The following TTC17 variants were observed in gnomAD, a reference collection of about 807,000 sequenced individuals.
TTC17 encodes the protein tetratricopeptide repeat domain 17, also known as tetratricopeptide repeat protein 17.
In TTC17, 58 loss-of-function variants were observed where a neutral mutation model predicts 143.8. The observed-to-expected ratio is 0.40, with a 90% CI of 0.33 to 0.50. The LOEUF is 0.50. Among genes scored for constraint, TTC17 ranks in the 20% least tolerant of loss-of-function variants. TTC17 has a pLI of 0.49. For missense variants in TTC17, 1,273 were observed against 1,392.5 expected (o/e 0.91, Z 1.37); for synonymous variants, 501 against 497.8 (o/e 1.01, Z -0.09).
At position 43,450,334 on chromosome 11, in the gene TTC17, A is replaced by T. The variant is rs1481288328; in HGVS notation, c.2946+93A>T. On this transcript the variant is annotated intron_variant, in intron 20 of 23. Coordinates refer to ENST00000039989, the MANE Select transcript of TTC17 (RefSeq NM_018259.6). ...GAAAGCCCAGGTGACCGGGCCTTTTAAAAAAAAATAGGGGCTTTTTTCAGT... is the reference window on the plus strand; with the variant it reads ...GAAAGCCCAGGTGACCGGGCCTTTTTAAAAAAAATAGGGGCTTTTTTCAGT... 1.0e-5 allele frequency: 13 copies of T among 1,246,332 alleles called. No homozygotes were observed. The East Asian group carries it at 2.1e-4, about 20-fold the overall frequency. The allele number at this position is 1,246,332 out of a possible 1,614,324, so 77.2% of individuals were successfully genotyped here.
chr11:43,399,884 T>A lies in TTC17; in HGVS notation c.1059-4T>A, dbSNP rs747714357. 4 of 1,589,988 alleles carry A rather than the reference T, an allele frequency of 2.5e-6. No individual in the cohort carries two copies. In the South Asian group the frequency reaches 4.7e-5, roughly 19 times the overall value. On this transcript the variant is annotated splice_polypyrimidine_tract_variant and splice_region_variant and intron_variant, in intron 8 of 23. Transcript: ENST00000039989. The stretch of plus-strand genomic sequence containing the variant: ...ACTTTTTCCTGGTATTAAAAAATGT[T>A]AAGATCTCTCCAGCGAACACTGAAT...
At position 43,369,096 on chromosome 11, in the gene TTC17, A is replaced by T. The variant is rs538551194; in HGVS notation, c.159+9983A>T. On this transcript the variant is annotated intron_variant, in intron 1 of 23. Coordinates refer to ENST00000039989, the MANE Select transcript of TTC17 (RefSeq NM_018259.6). ...TTTGAGCCTTGACTATTGTGTCTTG[A>T]TCCAGCTTTTCACTTACCTTCCTTT... Among the ~76,000 whole-genome samples the T allele has an allele frequency of 7.4e-4, 113 of 152,314 alleles. 1 individual carries two copies. The highest frequency in any genetic ancestry group is 2.5e-3 in the African/African-American group (102 of 41,564).
At chr11:43,399,820 C>T in intron 8 of TTC17, 68 bp from the exon 9 acceptor site, 1 of 1,480,004 alleles carries the variant, frequency 6.8e-7, no homozygotes, top group South Asian at 1.4e-5. Context: ...AAAATCTGTG[C>T]ATTTAAGTGG....
chr11:43,459,321 G>A (rs1032587802), intron 21 of TTC17, among the ~76,000 whole-genome samples: 4 of 152,128 alleles, frequency 2.6e-5, no homozygotes, highest in Non-Finnish European at 5.9e-5. Context: ...AGTCTACTTT[G>A]GTTCTCTGAA....
In TTC17 at chr11:43,494,358, G is replaced by A. The variant is rs79088060; in HGVS notation, c.*454G>A. 952 of 158,574 alleles carry A rather than the reference G, an allele frequency of 6.0e-3. 13 individuals are homozygous for A. Among genetic ancestry groups the A allele is most frequent in the African/African-American group, 0.021 (890 of 41,582 alleles). The allele number at this position is 158,574 out of a possible 1,614,324, so 9.8% of individuals were successfully genotyped here. Reference sequence around the variant, plus strand: ...CTGGTGCCCGTCAGTGAGAAGCAACGTTCTGCGCTCTCTCCGTTAGACCTC... The same window carrying A: ...CTGGTGCCCGTCAGTGAGAAGCAACATTCTGCGCTCTCTCCGTTAGACCTC... On this transcript the variant is annotated 3_prime_UTR_variant, in exon 24 of 24. Transcript: ENST00000039989.
chr11:43,370,136 T>C, intron 1 of TTC17: 1 of 454,498 alleles, frequency 2.2e-6, no homozygotes, highest in Non-Finnish European at 4.4e-6. Flanking sequence ...CTGCTATTTT[T>C]GCGAACCTGT....
rs1252367598 is a variant in TTC17, at chr11:43,443,436, T to C, written c.2363T>C (p.Leu788Ser). The stretch of plus-strand genomic sequence containing the variant: ...GATGAATTTCAACAGGCATGGCCTT[T>C]GGAAGGCTTTGGGGGTGCACTAGAG... ...LVDEFQQAWP[L>S]EGFGGALEMK... Residue 788 changes from leucine to serine, a missense_variant, in exon 17 of 24, where the codon TTG (leucine) becomes TCG (serine). Physicochemically the swap from Leu to Ser is moderately radical, Grantham distance 145 (BLOSUM62 -2). Transcript: ENST00000039989. 6.2e-7 allele frequency: 1 copy of C among 1,614,186 alleles called. No individual in the cohort carries two copies. The highest frequency in any genetic ancestry group is 1.7e-5 in the Admixed American group (1 of 60,030).
At chr11:43,466,695 C>A in intron 21 of TTC17, 1 of 368,196 alleles carries the variant, frequency 2.7e-6, no homozygotes, top group South Asian at 2.5e-5. Context: ...AAATGCTGCA[C>A]CCAAAACAAA....
At chr11:43,450,410 G>A (rs573385350) in intron 20 of TTC17, among the ~76,000 whole-genome samples, 169 bp downstream of exon 20, 17 of 152,288 alleles carry the variant, frequency 1.1e-4, no homozygotes, top group Admixed American at 1.0e-3. Context: ...TTCAGGCCCT[G>A]GGACTGAGCT....
chr11:43,373,848 G>A (rs747428333), intron 1 of TTC17, among the ~76,000 whole-genome samples: 26 of 152,234 alleles, frequency 1.7e-4, no homozygotes, highest in Admixed American at 2.6e-4. Flanking sequence ...ATTTGCTTGC[G>A]TCCCTTCAGT....
Position 43,406,520 on chromosome 11 carries a change from GA to G in TTC17, c.1761+579del, listed in dbSNP as rs1008042025. Among the ~76,000 whole-genome samples, 66 of 144,064 alleles carry G rather than the reference GA, an allele frequency of 4.6e-4. 1 individual carries two copies. The highest frequency in any genetic ancestry group is 1.1e-3 in the African/African-American group (44 of 39,210). 94.5% of individuals were successfully genotyped at this position (144,064 alleles called of 152,430 possible). On this transcript the variant is annotated intron_variant, in intron 13 of 23. Transcript: ENST00000039989. ...TAGATATCATTCCATAGATAAAAAT[GA>G]AAAAAAAAATTACCTTTTTAGCAAT...
intron 13 of TTC17, 23 bp downstream of exon 13, chr11:43,405,974 T>C: frequency 6.2e-7 from 1 of 1,604,784 alleles, no homozygotes; most frequent in African/African-American, 1.3e-5. Context: ...TAGGCTGGTA[T>C]TTATTGCCGT....
chr11:43,369,599 T>A (rs769875013), intron 1 of TTC17, among the ~76,000 whole-genome samples: 2 of 152,044 alleles, frequency 1.3e-5, no homozygotes, highest in Non-Finnish European at 2.9e-5. Context: ...TCCTGTAAGA[T>A]TAAAATTTGT....
chr11:43,455,450 A>G (rs1947744874), intron 21 of TTC17, among the ~76,000 whole-genome samples: 1 of 152,096 alleles, frequency 6.6e-6, no homozygotes, highest in Non-Finnish European at 1.5e-5. Flanking sequence ...AATAAAATGG[A>G]TACATCATTA....
chr11:43,451,120 C>T (rs1565173547), intron 20 of TTC17, 62 bp from the exon 21 acceptor site: 1 of 1,506,940 alleles, frequency 6.6e-7, no homozygotes, highest in South Asian at 1.1e-5. Flanking sequence ...TCAGCATTAG[C>T]AGTATCATCT....
chr11:43,401,719 C>T (rs1428019881), intron 10 of TTC17, 161 bp downstream of exon 10: 7 of 548,682 alleles, frequency 1.3e-5, no homozygotes, highest in Non-Finnish European at 2.2e-5. Context: ...TGGCTCACGC[C>T]TGTAATCTCA....
intron 15 of TTC17, among the ~76,000 whole-genome samples, chr11:43,411,468 A>T (rs1385181537): frequency 6.8e-6 from 1 of 146,320 alleles, no homozygotes; most frequent in Non-Finnish European, 1.5e-5. Flanking sequence ...TCTTCCTTCT[A>T]TATTTTTCTC....
At chr11:43,367,030 A>G (rs948100458) in intron 1 of TTC17, among the ~76,000 whole-genome samples, 1 of 152,170 alleles carries the variant, frequency 6.6e-6, no homozygotes, top group East Asian at 1.9e-4. Context: ...GAATTCCTTT[A>G]TGAAAGGATC....
At chr11:43,442,095 C>G (rs1016856469) in intron 16 of TTC17, among the ~76,000 whole-genome samples, 2 of 152,158 alleles carry the variant, frequency 1.3e-5, no homozygotes, top group Admixed American at 1.3e-4. Flanking sequence ...CTACAAACCT[C>G]TACAGCATGT....
Sources: allele counts gnomAD v4.1 joint callset (sites outside exome capture counted in the v4.1 genomes callset), GRCh38; gene constraint gnomAD v4.1.1; transcripts MANE v1.5; gene names NCBI Gene and HGNC (gene_info 2026-07-23, HGNC 2026-07-21).